MCCC1: variants seen among roughly 807,000 people sequenced by gnomAD.
MCCC1 encodes methylcrotonoyl-CoA carboxylase subunit alpha, mitochondrial.
MCCC1 carries 64 observed loss-of-function variants against 83.8 expected under a neutral mutation model. The ratio of observed to expected loss-of-function variants is 0.76; its 90% CI spans 0.62 to 0.94. MCCC1 has a LOEUF of 0.94. MCCC1 is among the 40% of genes least tolerant of loss of function. MCCC1 has a pLI of 0.00. For missense variants in MCCC1, 807 were observed against 904.7 expected (o/e 0.89, Z 1.39); for synonymous variants, 322 against 315.4 (o/e 1.02, Z -0.22).
intron 9 of MCCC1, among the ~76,000 whole-genome samples, chr3:183,048,459 C>G (rs555665981): frequency 6.6e-6 from 1 of 151,988 alleles, no homozygotes; most frequent in African/African-American, 2.4e-5. Flanking sequence ...AAAGAAAGTG[C>G]GAGTAGCCAT....
exon 1 of MCCC1, chr3:183,115,973 G>A (rs1055664772): frequency 6.6e-6 from 1 of 152,246 alleles, no homozygotes; most frequent in African/African-American, 2.4e-5. Context: ...AGTGGGAGTG[G>A]GCTCGAGCAA....
chr3:183,053,487 C>A (rs1386005914), intron 8 of MCCC1, among the ~76,000 whole-genome samples: 2 of 151,842 alleles, frequency 1.3e-5, no homozygotes, highest in African/African-American at 4.8e-5. Flanking sequence ...GACCCCATCT[C>A]AAAAAATTTT....
At chr3:183,076,731 T>C (rs1296145316) in intron 4 of MCCC1, among the ~76,000 whole-genome samples, 1 of 152,238 alleles carries the variant, frequency 6.6e-6, no homozygotes, top group Non-Finnish European at 1.5e-5. Flanking sequence ...TTAAACATAG[T>C]TGTTGAGATA....
chr3:183,079,582 G>T (rs879308671), intron 4 of MCCC1, among the ~76,000 whole-genome samples: 2 of 152,204 alleles, frequency 1.3e-5, no homozygotes, highest in African/African-American at 4.8e-5. Flanking sequence ...GGCTGGTGTT[G>T]AGTGTCTGTG....
At chr3:183,107,535 T>TA (rs1553872789) in intron 1 of MCCC1, among the ~76,000 whole-genome samples, 10 of 149,390 alleles carry the variant, frequency 6.7e-5, no homozygotes, top group Admixed American at 6.0e-4. Context: ...TTATTATTAT[T>TA]TGTTGTTGTT....
rs1206138805 is a variant in MCCC1 at position 183,057,420 on chromosome 3, T to C, written c.764A>G (p.His255Arg). 1.2e-6 allele frequency: 2 copies of C among 1,600,612 alleles called. No individual in the cohort carries two copies. The change falls in exon 8 of 19, where the codon CAT becomes CGT. Residue 255 changes from histidine to arginine, a missense_variant and splice_region_variant. Transcript: ENST00000265594. ...LIEKFVDTPR[H>R]VEVQVFGDHH... ...ATCACCAAACACCTGGACTTCTACA[T>C]GCCTATATAAAAGCAAACATGTATG...
At chr3:183,105,665 A>G (rs1269127843) in intron 1 of MCCC1, among the ~76,000 whole-genome samples, 1 of 152,166 alleles carries the variant, frequency 6.6e-6, no homozygotes, top group East Asian at 1.9e-4. Flanking sequence ...GAAAGTTGTC[A>G]TAATCAAAAA....
intron 14 of MCCC1, among the ~76,000 whole-genome samples, chr3:183,029,708 A>G (rs774168296): frequency 2.0e-5 from 3 of 151,994 alleles, no homozygotes; most frequent in African/African-American, 2.4e-5. Context: ...TTCCTTTTTA[A>G]AAATTTTTAT....
chr3:183,038,905 T>C (rs1047229375), intron 12 of MCCC1, 121 bp downstream of exon 12: 13 of 884,864 alleles, frequency 1.5e-5, no homozygotes, highest in Non-Finnish European at 2.1e-5. Context: ...ACTATTTTGT[T>C]TGGGCAATTG....
intron 13 of MCCC1, among the ~76,000 whole-genome samples, chr3:183,034,356 C>A (rs1229264665): frequency 6.7e-6 from 1 of 148,252 alleles, no homozygotes; most frequent in Non-Finnish European, 1.5e-5. Context: ...GAGGCTGAGG[C>A]AGGAGAATGG....
chr3:183,041,506 A>G lies in MCCC1; in HGVS notation c.1267+61T>C, dbSNP rs1028197940. 4 of 1,572,180 alleles carry G rather than the reference A, an allele frequency of 2.5e-6. No homozygotes were observed. The African/African-American group carries it at 5.4e-5, about 21-fold the overall frequency. ...AAGACTCAGGGATAAGAATGTGTCC[A>G]AAAACAATAATGTACTAAAAACTTA... On this transcript the variant is annotated intron_variant, in intron 11 of 18. Coordinates refer to ENST00000265594, the MANE Select transcript of MCCC1 (RefSeq NM_020166.5).
chr3:183,071,773 T>C (rs6443848), intron 5 of MCCC1, among the ~76,000 whole-genome samples: 136,045 of 151,600 alleles, frequency 0.9, 61,414 homozygotes, highest in East Asian at 1. Context: ...GCAATTATAC[T>C]TCACTACAGC....
intron 3 of MCCC1, chr3:183,090,929 C>G (rs1470407277): frequency 2.2e-6 from 1 of 455,488 alleles, no homozygotes; most frequent in Non-Finnish European, 4.4e-6. Context: ...GGATCCAGAG[C>G]ACTGACCTTC....
chr3:183,099,310 C>A (rs57347018), intron 1 of MCCC1, 42 bp downstream of exon 1: 16 of 1,554,386 alleles, frequency 1.0e-5, no homozygotes, highest in African/African-American at 1.4e-5. Flanking sequence ...GTGCACCCCT[C>A]GCTCCCGCCT....
At chr3:183,101,291 C>T (rs1424395517), upstream of MCCC1, among the ~76,000 whole-genome samples, 6 of 152,244 alleles carry the variant, frequency 3.9e-5, 1 homozygote, top group South Asian at 2.1e-4. Context: ...GAGCGCACGG[C>T]GGCGCAGGAC....
chr3:183,103,591 G>T (rs551612272), upstream of MCCC1, among the ~76,000 whole-genome samples: 1 of 152,100 alleles, frequency 6.6e-6, no homozygotes, highest in East Asian at 1.9e-4. Context: ...GTGCTGATTG[G>T]TGTGTTTACA....
chr3:183,028,494 GTGAGTCTTC>G (rs1279696160), intron 14 of MCCC1, among the ~76,000 whole-genome samples: 2 of 152,210 alleles, frequency 1.3e-5, no homozygotes, highest in African/African-American at 4.8e-5. Flanking sequence ...GCCATACATT[GTGAGTCTTC>G]TGATGGATCT....
At chr3:183,108,002 AAC>A (rs1719434268) in intron 1 of MCCC1, among the ~76,000 whole-genome samples, 2 of 152,264 alleles carry the variant, frequency 1.3e-5, no homozygotes, top group African/African-American at 4.8e-5. Context: ...CATACAAAAT[AAC>A]AGTTCCCAAA....
At chr3:183,102,541 G>A (rs1303443549), upstream of MCCC1, among the ~76,000 whole-genome samples, 1 of 151,952 alleles carries the variant, frequency 6.6e-6, no homozygotes, top group East Asian at 1.9e-4. Context: ...AGGCTTAATA[G>A]GTCATTGACA....
Sources: gnomAD v4.1 joint callset for allele counts (sites outside exome capture counted in the v4.1 genomes callset) on GRCh38, gnomAD v4.1.1 for gene constraint, MANE v1.5 for transcripts, NCBI Gene and HGNC (gene_info 2026-07-23, HGNC 2026-07-21) for gene names.